Variants in RTTN observed in about 807,000 individuals in gnomAD.
RTTN encodes rotatin.
In RTTN, 182 loss-of-function variants were observed where a neutral mutation model predicts 269.2. The ratio of observed to expected loss-of-function variants is 0.68; its 90% CI spans 0.60 to 0.76. The LOEUF (loss-of-function observed/expected upper bound fraction) is 0.76, where lower values mean the gene tolerates loss of function less well. Among genes scored for constraint, RTTN ranks in the 30% least tolerant of loss-of-function variants. The pLI is 0.00. For missense variants in RTTN, 2,545 were observed against 2,608.6 expected (o/e 0.98, Z 0.53); for synonymous variants, 1,006 against 963.5 (o/e 1.04, Z -0.82).
intron 32 of RTTN, 111 bp downstream of exon 32, chr18:70,086,502 G>T: frequency 3.4e-6 from 3 of 881,044 alleles, no homozygotes; most frequent in Non-Finnish European, 5.5e-6. Flanking sequence ...AGAGGCCCTT[G>T]CTGTCTTGTA....
intron 27 of RTTN, among the ~76,000 whole-genome samples, chr18:70,110,073 T>TA (rs577385212): frequency 6.0e-5 from 9 of 151,042 alleles, no homozygotes; most frequent in East Asian, 2.0e-4. Flanking sequence ...AAAATTAAAG[T>TA]AAAAAAAATT....
At chr18:70,010,928 T>A (rs2056352741) in intron 46 of RTTN, among the ~76,000 whole-genome samples, 5 of 151,932 alleles carry the variant, frequency 3.3e-5, no homozygotes, top group Admixed American at 3.3e-4. Context: ...CCCACAGAAA[T>A]CCAAACTACC....
At chr18:70,100,611 C>G (rs1423774987) in intron 28 of RTTN, among the ~76,000 whole-genome samples, 1 of 151,664 alleles carries the variant, frequency 6.6e-6, no homozygotes, top group Non-Finnish European at 1.5e-5. Context: ...ACTTCCAACA[C>G]TGTTGAATAG....
intron 37 of RTTN, among the ~76,000 whole-genome samples, chr18:70,057,360 C>T (rs1229370348): frequency 2.0e-5 from 3 of 152,142 alleles, no homozygotes; most frequent in Non-Finnish European, 4.4e-5. Context: ...ATAACTTAGC[C>T]ACCAAATATT....
At chr18:70,062,659 A>G (rs945328799) in intron 35 of RTTN, among the ~76,000 whole-genome samples, 11 of 132,234 alleles carry the variant, frequency 8.3e-5, no homozygotes, top group African/African-American at 3.2e-4. Context: ...ACTGTTGCCC[A>G]GGCTGGAGTC....
chr18:70,035,517 T>G (rs1337714369), intron 40 of RTTN, among the ~76,000 whole-genome samples: 3 of 152,078 alleles, frequency 2.0e-5, no homozygotes, highest in Admixed American at 2.0e-4. Context: ...TATACATACA[T>G]TGAAACTGGA....
rs77450532 is a variant in RTTN at position 70,203,764 on chromosome 18, T to C, written c.397+322A>G. Among the ~76,000 whole-genome samples the C allele has an allele frequency of 3.0e-3, 457 of 152,272 alleles. 1 individual carries two copies. The highest frequency in any genetic ancestry group is 4.9e-3 in the Non-Finnish European group (330 of 68,010). ...ACGAACAAGGTCAAAAATACAAATA[T>C]AAAGCACTAAGAACAATGAGCACTC... On this transcript the variant is annotated intron_variant, in intron 3 of 48. Coordinates refer to ENST00000640769, the MANE Select transcript of RTTN (RefSeq NM_173630.4).
At chr18:70,194,575 T>C (rs939403828) in intron 7 of RTTN, 6 of 152,218 alleles carry the variant, frequency 3.9e-5, no homozygotes, top group Admixed American at 6.5e-5. Flanking sequence ...GACAAATGCA[T>C]AGATGAATAA....
At chr18:70,205,015 T>G (rs917519186) in intron 2 of RTTN, 113 bp downstream of exon 2, 2 of 1,001,788 alleles carry the variant, frequency 2.0e-6, no homozygotes, top group Non-Finnish European at 3.0e-6. Context: ...CATCTCTGGT[T>G]GATTAAAAAA....
intron 21 of RTTN, among the ~76,000 whole-genome samples, chr18:70,136,669 A>T (rs2060132206): frequency 6.6e-6 from 1 of 152,116 alleles, no homozygotes; most frequent in Admixed American, 6.6e-5. Flanking sequence ...AAAATTAATG[A>T]GACATATTCA....
intron 27 of RTTN, among the ~76,000 whole-genome samples, chr18:70,110,048 A>T (rs1018066808): frequency 6.6e-6 from 1 of 152,022 alleles, no homozygotes; most frequent in Non-Finnish European, 1.5e-5. Context: ...CATTTCTAAA[A>T]AAATGAAATA....
At chr18:70,179,734 C>A (rs2061378742) in intron 10 of RTTN, among the ~76,000 whole-genome samples, 1 of 152,196 alleles carries the variant, frequency 6.6e-6, no homozygotes, top group Non-Finnish European at 1.5e-5. Flanking sequence ...TTACACACTA[C>A]CTCTGCAATA....
At position 70,048,098 on chromosome 18, in the gene RTTN, T is replaced by G; in HGVS notation, c.5414A>C (p.Glu1805Ala). 1 of 1,614,146 alleles carries G rather than the reference T, an allele frequency of 6.2e-7. No homozygotes were observed. The highest frequency in any genetic ancestry group is 8.5e-7 in the Non-Finnish European group (1 of 1,180,002). The change falls in exon 40 of 49, where the codon GAA becomes GCA. Residue 1805 changes from glutamate (E) to alanine (A), a missense_variant. Physicochemically the swap from Glu to Ala is moderately radical, Grantham distance 107. Coordinates refer to ENST00000640769, the MANE Select transcript of RTTN (RefSeq NM_173630.4). ...LQFLSVLLTE[E>A]AKGHLQAKSK... The stretch of plus-strand genomic sequence containing the variant: ...CTTAGCCTGGAGATGCCCTTTTGCT[T>G]CTTCGGTCAAGAGAACAGAAAGGAA...
chr18:70,020,082 C>A (rs2145517929), intron 45 of RTTN, among the ~76,000 whole-genome samples: 1 of 152,260 alleles, frequency 6.6e-6, no homozygotes, highest in South Asian at 2.1e-4. Flanking sequence ...TTATTTAACT[C>A]ATTACATCCC....
At chr18:70,180,722 C>T (rs1330611822) in intron 10 of RTTN, among the ~76,000 whole-genome samples, 1 of 152,056 alleles carries the variant, frequency 6.6e-6, no homozygotes, top group Non-Finnish European at 1.5e-5. Flanking sequence ...ATAAACTGTG[C>T]CTCAGTTATG....
intron 26 of RTTN, among the ~76,000 whole-genome samples, chr18:70,117,984 C>T (rs920840310): frequency 6.6e-6 from 1 of 151,800 alleles, no homozygotes; most frequent in Non-Finnish European, 1.5e-5. Flanking sequence ...ACAGCAAAAG[C>T]AGGTCTAAGA....
chr18:70,028,626 C>T, intron 43 of RTTN, 98 bp downstream of exon 43: 1 of 662,658 alleles, frequency 1.5e-6, no homozygotes, highest in Non-Finnish European at 2.5e-6. Context: ...ATTTAAAAGT[C>T]AGAGCTTTCC....
rs138837966 is a variant in RTTN at position 70,032,417 on chromosome 18, G to A, written c.5542-1436C>T. Among the ~76,000 whole-genome samples, 314 of 152,226 alleles carry A rather than the reference G, an allele frequency of 2.1e-3. 3 individuals carry two copies. Among genetic ancestry groups the A allele is most frequent in the African/African-American group, 7.4e-3 (306 of 41,544 alleles). On this transcript the variant is annotated intron_variant, in intron 40 of 48. Coordinates refer to ENST00000640769, the MANE Select transcript of RTTN (RefSeq NM_173630.4). ...CCCCCACTGCAGCCTCCTTCATGCC[G>A]CCTTGCCTGCAGGCACTCACCCATC...
In RTTN at chr18:70,071,071, T is replaced by C. The variant is rs537837451; in HGVS notation, c.4653+2835A>G. On this transcript the variant is annotated intron_variant, in intron 34 of 48. Coordinates refer to ENST00000640769, the MANE Select transcript of RTTN (RefSeq NM_173630.4). ...GGATCAATCACATCTGGCCTTAGAG[T>C]GAAGGAGGAAGCAAACATACTTCTG... 4.6e-5 allele frequency among the ~76,000 whole-genome samples: 7 copies of C among 152,052 alleles called. 1 individual carries two copies. The highest frequency in any genetic ancestry group is 4.2e-4 in the South Asian group (2 of 4,816).
Sources: gnomAD v4.1 joint callset for allele counts (sites outside exome capture counted in the v4.1 genomes callset) on GRCh38, gnomAD v4.1.1 for gene constraint, MANE v1.5 for transcripts, NCBI Gene and HGNC (gene_info 2026-07-23, HGNC 2026-07-21) for gene names.